RAB4B: variants seen among roughly 807,000 people sequenced by gnomAD.
RAB4B encodes RAB4B, member RAS oncogene family, also known as ras-related protein Rab-4B.
Under a neutral mutation model 28.3 loss-of-function variants are expected in RAB4B, and 15 were observed. That is an observed-to-expected ratio of 0.53 (90% CI 0.35 to 0.82). The LOEUF (loss-of-function observed/expected upper bound fraction) is 0.82. RAB4B is among the 40% of genes least tolerant of loss of function. The pLI, the probability that RAB4B is intolerant of heterozygous loss-of-function variation, is 0.01. For synonymous variants in RAB4B, 108 were observed against 116.3 expected (o/e 0.93, Z 0.46); for missense variants, 244 against 288.5 (o/e 0.85, Z 1.12).
rs777904747 is a variant in RAB4B at position 40,780,441 on chromosome 19, G to T, written c.154G>T (p.Val52Leu). 25 of 1,613,722 alleles carry T rather than the reference G, an allele frequency of 1.5e-5. No individual in the cohort carries two copies. The highest frequency in any genetic ancestry group is 2.1e-5 in the Non-Finnish European group (25 of 1,179,854). The change falls in exon 3 of 8, where the codon GTG (valine) becomes TTG (leucine). Residue 52 changes from valine (V) to leucine (L), a missense_variant. Val to Leu is a conservative substitution (Grantham distance 32). Coordinates refer to ENST00000357052, the MANE Select transcript of RAB4B (RefSeq NM_016154.5). ...GVEFGSRVVN[V>L]GGKTVKLQIW... ...GGAGTTTGGATCCCGGGTGGTCAAC[G>T]TGGGTGGGAAGACTGTGAAGCTACA...
intron 3 of RAB4B, among the ~76,000 whole-genome samples, chr19:40,780,837 T>G (rs926494769): frequency 2.0e-5 from 3 of 148,912 alleles, no homozygotes; most frequent in Non-Finnish European, 4.5e-5. Context: ...GAAAAAGAGA[T>G]AGAGAAAAGT....
Position 40,793,740 on chromosome 19 carries a change from A to G in RAB4B, c.*16-2830A>G, listed in dbSNP as rs920544376. Among the ~76,000 whole-genome samples, 4 of 151,516 alleles carry G rather than the reference A, an allele frequency of 2.6e-5. 1 individual carries two copies. Among genetic ancestry groups the G allele is most frequent in the Middle Eastern group, 6.3e-3 (2 of 316 alleles). On this transcript the variant is annotated intron_variant, in intron 7 of 7. Transcript: ENST00000357052. The stretch of plus-strand genomic sequence containing the variant: ...GGAGTTCGAGACCAGGGTGACCAAC[A>G]TGGTAAAACCCCACCTCTACTAAAA...
chr19:40,790,272 G>A (rs573205430), intron 7 of RAB4B, among the ~76,000 whole-genome samples: 1 of 152,264 alleles, frequency 6.6e-6, no homozygotes, highest in East Asian at 1.9e-4. Flanking sequence ...GACAGGACAA[G>A]GGGGCGGGAA....
At chr19:40,785,220 C>T (rs531932534) in intron 5 of RAB4B, among the ~76,000 whole-genome samples, 8 of 151,214 alleles carry the variant, frequency 5.3e-5, no homozygotes, top group African/African-American at 1.9e-4. Flanking sequence ...AAAAGGTTTG[C>T]AAGGGCCAAC....
At chr19:40,786,797 A>G (rs1599744644) in intron 6 of RAB4B, 37 bp downstream of exon 6, 1 of 1,614,136 alleles carries the variant, frequency 6.2e-7, no homozygotes, top group Non-Finnish European at 8.5e-7. Flanking sequence ...AGCGAAGGGC[A>G]GGCCCGGGGG....
At position 40,780,171 on chromosome 19, in the gene RAB4B, G is replaced by A. The variant is rs147930285; in HGVS notation, c.97+72G>A. ...GCATGGTGTGGGCTGGTGGGCAGCCGGTGGGGAGGGCAGGGCTGGCCATAG... is the reference window on the plus strand; with the variant it reads ...GCATGGTGTGGGCTGGTGGGCAGCCAGTGGGGAGGGCAGGGCTGGCCATAG... On this transcript the variant is annotated intron_variant, in intron 2 of 7. Coordinates refer to ENST00000357052, the MANE Select transcript of RAB4B (RefSeq NM_016154.5). The A allele has an allele frequency of 1.1e-3, 1,672 of 1,587,234 alleles. 11 individuals carry two copies. In the African/African-American group the frequency reaches 0.019, roughly 18 times the overall value.
At chr19:40,793,645 GC>G (rs1376598260) in intron 7 of RAB4B, among the ~76,000 whole-genome samples, 1 of 142,800 alleles carries the variant, frequency 7.0e-6, no homozygotes, top group African/African-American at 2.7e-5. Flanking sequence ...TCCTGGCCTT[GC>G]CGGGCGCAGT....
At chr19:40,782,734 A>G (rs1213286647) in intron 3 of RAB4B, among the ~76,000 whole-genome samples, 1 of 152,134 alleles carries the variant, frequency 6.6e-6, no homozygotes, top group Admixed American at 6.6e-5. Context: ...AATCACTTGC[A>G]TCCGGGGGGC....
intron 1 of RAB4B, 68 bp downstream of exon 1, chr19:40,778,459 G>T: frequency 7.3e-7 from 1 of 1,378,096 alleles, no homozygotes. Context: ...GTGGGAATGG[G>T]CGGGGCTTTG....
intron 3 of RAB4B, among the ~76,000 whole-genome samples, chr19:40,781,743 C>T (rs114668587): frequency 0.024 from 3,577 of 152,124 alleles, 100 homozygotes; most frequent in African/African-American, 0.067. Context: ...TAGGAGAGGC[C>T]GGGCGTGGTG....
intron 5 of RAB4B, among the ~76,000 whole-genome samples, chr19:40,784,787 G>C (rs1044097825): frequency 6.6e-6 from 1 of 151,852 alleles, no homozygotes; most frequent in Non-Finnish European, 1.5e-5. Context: ...CACCTTCCTG[G>C]GTATTGGTTT....
At chr19:40,793,111 C>T (rs2083174075) in intron 7 of RAB4B, among the ~76,000 whole-genome samples, 1 of 151,984 alleles carries the variant, frequency 6.6e-6, no homozygotes, top group Non-Finnish European at 1.5e-5. Flanking sequence ...AGGTGCCATG[C>T]TTATACTGCT....
chr19:40,778,447 C>T, intron 1 of RAB4B, 56 bp downstream of exon 1: 4 of 1,396,602 alleles, frequency 2.9e-6, no homozygotes, highest in Non-Finnish European at 3.7e-6. Context: ...AGGATGCGGC[C>T]TGTGGGAATG....
rs756379787 is a variant in RAB4B, at chr19:40,786,864, G to A, written c.543G>A (p.Glu181=). ...TCCCCACAGGCGAGCTAGACCCGGA[G>A]AGGATGGGCTCTGGCATTCAGTACG... ...NKIDSGELDP[E]RMGSGIQYGD... is the part of the protein sequence containing the mutation. The change falls in exon 7 of 8, where the codon GAG becomes GAA. Residue 181 remains glutamate, a synonymous_variant. Transcript: ENST00000357052. The A allele has an allele frequency of 6.2e-7, 1 of 1,614,166 alleles. No individual in the cohort carries two copies. Among genetic ancestry groups the A allele is most frequent in the South Asian group, 1.1e-5 (1 of 91,090 alleles).
chr19:40,782,928 CAG>C (rs2083063146), intron 3 of RAB4B, among the ~76,000 whole-genome samples: 1 of 151,998 alleles, frequency 6.6e-6, no homozygotes, highest in African/African-American at 2.4e-5. Context: ...CACTTGAGCT[CAG>C]GGGTTCGAGA....
At chr19:40,788,120 C>G (rs1262501202) in intron 7 of RAB4B, among the ~76,000 whole-genome samples, 1 of 152,044 alleles carries the variant, frequency 6.6e-6, no homozygotes, top group Admixed American at 6.6e-5. Flanking sequence ...CTGCTCAAGG[C>G]ACTGGGGATA....
At chr19:40,784,219 T>TGAGCCACTACACCC in intron 5 of RAB4B, 144 bp downstream of exon 5, 1 of 1,188,738 alleles carries the variant, frequency 8.4e-7, no homozygotes, top group Non-Finnish European at 1.1e-6. Flanking sequence ...TGGCTGGGTG[T>TGAGCCACTACACCC]AGTGGCTCAC....
chr19:40,789,026 C>T (rs1006809487), intron 7 of RAB4B, among the ~76,000 whole-genome samples: 15 of 151,762 alleles, frequency 9.9e-5, no homozygotes, highest in Admixed American at 1.3e-4. Context: ...GTGATCTGCC[C>T]GCCTCGGCCT....
rs1474597581 is a variant in RAB4B, at chr19:40,779,700, G to A, written c.17-319G>A. The A allele has an allele frequency of 9.3e-6, 3 of 321,746 alleles. 1 individual carries two copies. Among genetic ancestry groups the A allele is most frequent in the Admixed American group, 9.6e-5 (2 of 20,744 alleles). The allele number at this position is 321,746 out of a possible 1,614,324, so 19.9% of individuals were successfully genotyped here. On this transcript the variant is annotated intron_variant, in intron 1 of 7. Transcript: ENST00000357052. ...GGAGGTTGCGGTGAGCCGAGATCGC[G>A]CCATTGCACTCCAGCCTGGGCAACG...
Sources: allele counts gnomAD v4.1 joint callset (sites outside exome capture counted in the v4.1 genomes callset), GRCh38; gene constraint gnomAD v4.1.1; transcripts MANE v1.5; gene names NCBI Gene and HGNC (gene_info 2026-07-23, HGNC 2026-07-21).